Variants in PID1 observed in about 807,000 individuals in gnomAD.
The protein encoded by PID1 is PTB-containing, cubilin and LRP1-interacting protein.
In PID1, 10 loss-of-function variants were observed where a neutral mutation model predicts 19.1. That is an observed-to-expected ratio of 0.52 (90% CI 0.32 to 0.89). The LOEUF is 0.89. PID1 is among the 40% of genes least tolerant of loss of function. The pLI is 0.03. For missense variants in PID1, 248 were observed against 285.3 expected, an observed-to-expected ratio of 0.87 and a Z score of 0.94; for synonymous variants, 130 against 116.0, an observed-to-expected ratio of 1.12 and a Z score of -0.78.
intron 1 of PID1, among the ~76,000 whole-genome samples, chr2:229,185,614 C>T (rs576303166): frequency 6.6e-6 from 1 of 152,206 alleles, no homozygotes; most frequent in East Asian, 1.9e-4. Flanking sequence ...AGCTTTGCAT[C>T]CTGCAAAGAG....
At chr2:229,209,822 G>T (rs1691688150) in intron 1 of PID1, among the ~76,000 whole-genome samples, 1 of 151,884 alleles carries the variant, frequency 6.6e-6, no homozygotes, top group Non-Finnish European at 1.5e-5. Flanking sequence ...TGCCTACTCA[G>T]GTTCATTTTT....
At chr2:229,054,983 A>T (rs1235373774) in intron 2 of PID1, among the ~76,000 whole-genome samples, 2 of 152,244 alleles carry the variant, frequency 1.3e-5, no homozygotes. Flanking sequence ...TGGTGCAGAC[A>T]TGAGTACCTC....
chr2:229,231,789 G>T, intron 1 of PID1: 1 of 1,383,872 alleles, frequency 7.2e-7, no homozygotes, highest in South Asian at 1.4e-5. Context: ...CAATAGTCCA[G>T]ATGTGTGATG....
chr2:229,181,517 G>A (rs977722520), intron 1 of PID1, among the ~76,000 whole-genome samples: 2 of 152,158 alleles, frequency 1.3e-5, no homozygotes, highest in African/African-American at 4.8e-5. Flanking sequence ...TTTGAAATCA[G>A]ATTCACTACC....
At chr2:229,263,834 A>G (rs1690522479) in intron 1 of PID1, among the ~76,000 whole-genome samples, 1 of 152,070 alleles carries the variant, frequency 6.6e-6, no homozygotes. Flanking sequence ...CTGGCTATGA[A>G]CCCCAGCTCT....
chr2:229,123,814 T>C, intron 2 of PID1, among the ~76,000 whole-genome samples: 1 of 152,270 alleles, frequency 6.6e-6, no homozygotes, highest in East Asian at 1.9e-4. Flanking sequence ...GTATATGTTC[T>C]TGGGCAAAAT....
In PID1 at chr2:229,025,474, A is replaced by G. The variant is rs187927704; in HGVS notation, c.*158T>C. The G allele has an allele frequency of 4.7e-6, 3 of 642,770 alleles. No homozygotes were observed. The highest frequency in any genetic ancestry group is 8.3e-6 in the Non-Finnish European group (3 of 359,950). The allele number at this position is 642,770 out of a possible 1,614,324, so 39.8% of individuals were successfully genotyped here. Reference sequence around the variant, plus strand: ...AATGTAACGTAATTACTTTAATGATACATTTCTTTAGATTTAGAATTGCTC... The same window carrying G: ...AATGTAACGTAATTACTTTAATGATGCATTTCTTTAGATTTAGAATTGCTC... On this transcript the variant is annotated 3_prime_UTR_variant, in exon 3 of 3. Transcript: ENST00000392055.
chr2:229,259,054 G>A (rs1024863179), intron 1 of PID1, among the ~76,000 whole-genome samples: 20 of 136,612 alleles, frequency 1.5e-4, no homozygotes, highest in African/African-American at 3.0e-4. Flanking sequence ...TAGCAAGGTC[G>A]TAGTTTTTTT....
intron 2 of PID1, among the ~76,000 whole-genome samples, chr2:229,075,665 A>G (rs1233648544): frequency 6.6e-6 from 1 of 152,214 alleles, no homozygotes; most frequent in Admixed American, 6.5e-5. Flanking sequence ...CACAACAATC[A>G]CAGGGAAGTC....
At chr2:229,029,274 A>G (rs201588112) in intron 2 of PID1, among the ~76,000 whole-genome samples, 46 of 25,182 alleles carry the variant, frequency 1.8e-3, no homozygotes, top group East Asian at 0.015. Flanking sequence ...ATCCCTGGGG[A>G]AAAAAAAAAT....
chr2:229,025,998 G>T lies in PID1; in HGVS notation c.288C>A (p.Val96=). ...WKKHTLARED[V]FPANALLEIR... is the part of the protein sequence containing the mutation. ...TTTCCAGGAGGGCATTGGCCGGAAA[G>T]ACATCCTCTCGGGCTAGCGTGTGCT... The change falls in exon 3 of 3, where the codon GTC becomes GTA. Residue 96 remains valine, a synonymous_variant. Transcript: ENST00000392055. 6.2e-7 allele frequency: 1 copy of T among 1,614,198 alleles called. No individual in the cohort carries two copies. Among genetic ancestry groups the T allele is most frequent in the Non-Finnish European group, 8.5e-7 (1 of 1,180,028 alleles).
intron 1 of PID1, among the ~76,000 whole-genome samples, chr2:229,232,269 CA>C (rs1559296044): frequency 4.0e-5 from 6 of 150,992 alleles, no homozygotes; most frequent in Admixed American, 4.0e-4. Flanking sequence ...TAAAAACACA[CA>C]AAAAAATAAA....
intron 2 of PID1, among the ~76,000 whole-genome samples, chr2:229,103,987 C>T (rs1047752034): frequency 6.6e-5 from 10 of 152,300 alleles, no homozygotes; most frequent in Admixed American, 4.6e-4. Flanking sequence ...TCTTATTAGG[C>T]TTTTAGGACC....
At chr2:229,089,711 C>T (rs7565750) in intron 2 of PID1, among the ~76,000 whole-genome samples, 94,167 of 152,046 alleles carry the variant, frequency 0.62, 31,917 homozygotes, top group Non-Finnish European at 0.76. Context: ...AAAGAGCCAG[C>T]TCTCAGAAAT....
chr2:229,065,168 T>C (rs1019676768), intron 2 of PID1, among the ~76,000 whole-genome samples: 17 of 152,176 alleles, frequency 1.1e-4, no homozygotes, highest in Admixed American at 1.1e-3. Flanking sequence ...AAACTTTGCT[T>C]TCACTTTAAA....
At chr2:229,147,578 A>G (rs1003150296) in intron 2 of PID1, among the ~76,000 whole-genome samples, 7 of 152,024 alleles carry the variant, frequency 4.6e-5, no homozygotes, top group Admixed American at 3.3e-4. Context: ...TTTTTTATAT[A>G]CTTAATACAT....
intron 1 of PID1, among the ~76,000 whole-genome samples, chr2:229,198,653 T>C (rs1691428365): frequency 1.3e-5 from 2 of 152,076 alleles, no homozygotes; most frequent in African/African-American, 4.8e-5. Flanking sequence ...CATTCAGCTA[T>C]TTGTTTCAGC....
At chr2:229,210,250 C>G (rs1006112288) in intron 1 of PID1, among the ~76,000 whole-genome samples, 3 of 151,792 alleles carry the variant, frequency 2.0e-5, no homozygotes, top group African/African-American at 7.3e-5. Flanking sequence ...TGGCGGCTCG[C>G]GCCTGTAATC....
rs558250727 is a variant in PID1, at chr2:229,025,191, G to A, written c.*441C>T. ...TCCCGAGATGTTCCTTCCTCCCTGC[G>A]GCCAGCGTCCCCATCAGCACCCTGC... On this transcript the variant is annotated 3_prime_UTR_variant, in exon 3 of 3. Transcript: ENST00000392055. 85 of 161,654 alleles carry A rather than the reference G, an allele frequency of 5.3e-4. 1 individual carries two copies. In the South Asian group the frequency reaches 7.5e-3, roughly 14 times the overall value. 10.0% of individuals were successfully genotyped at this position (161,654 alleles called of 1,614,324 possible).
Sources: allele counts gnomAD v4.1 joint callset (sites outside exome capture counted in the v4.1 genomes callset), GRCh38; gene constraint gnomAD v4.1.1; transcripts MANE v1.5; gene names NCBI Gene and HGNC (gene_info 2026-07-23, HGNC 2026-07-21).